Variants in MTHFS observed in about 807,000 individuals in gnomAD.
MTHFS encodes methenyltetrahydrofolate synthetase.
In MTHFS, 7 loss-of-function variants were observed where a neutral mutation model predicts 12.7. That is an observed-to-expected ratio of 0.55 (90% CI 0.31 to 1.03). The LOEUF (loss-of-function observed/expected upper bound fraction) is 1.03, where lower values mean the gene tolerates loss of function less well. Ranked by LOEUF, MTHFS falls within the 50% of genes least tolerant of loss-of-function variation. The pLI is 0.05. For synonymous variants in MTHFS, 100 were observed against 97.1 expected (o/e 1.03, Z -0.18); for missense variants, 252 against 258.1 (o/e 0.98, Z 0.16).
chr15:79,872,327 G>A (rs1424216736), intron 2 of MTHFS, among the ~76,000 whole-genome samples: 2 of 152,108 alleles, frequency 1.3e-5, no homozygotes, highest in Non-Finnish European at 2.9e-5. Context: ...TAACACTGTG[G>A]AGCCCTATGA....
chr15:79,866,130 A>G (rs2034007033), intron 2 of MTHFS, among the ~76,000 whole-genome samples: 1 of 151,232 alleles, frequency 6.6e-6, no homozygotes, highest in South Asian at 2.1e-4. Flanking sequence ...GGCATTCGAG[A>G]GGCTAATGGC....
At position 79,863,989 on chromosome 15, in the gene MTHFS, G is replaced by A. The variant is rs1472161815; in HGVS notation, c.380-18547C>T. 2.6e-5 allele frequency among the ~76,000 whole-genome samples: 4 copies of A among 152,336 alleles called. No individual in the cohort carries two copies. The East Asian group carries it at 7.7e-4, about 29-fold the overall frequency. On this transcript the variant is annotated intron_variant, in intron 2 of 2. Coordinates refer to ENST00000258874, the MANE Select transcript of MTHFS (RefSeq NM_006441.4). ...CCTCCACAGCACATGACGGCAGTAA[G>A]GAAAGGCACCGTGTGCCATCCCACA...
intron 2 of MTHFS, among the ~76,000 whole-genome samples, chr15:79,859,819 A>G (rs1596066331): frequency 8.1e-6 from 1 of 122,964 alleles, no homozygotes; most frequent in South Asian, 2.3e-4. Context: ...ATACATGTCA[A>G]AAAAAAAAAA....
At chr15:79,861,516 C>T (rs904184688) in intron 2 of MTHFS, among the ~76,000 whole-genome samples, 6 of 152,172 alleles carry the variant, frequency 3.9e-5, no homozygotes, top group African/African-American at 9.7e-5. Flanking sequence ...CGTAAAGTGG[C>T]ATAACCTTTT....
At chr15:79,874,897 T>G (rs1432149090) in intron 2 of MTHFS, among the ~76,000 whole-genome samples, 1 of 152,174 alleles carries the variant, frequency 6.6e-6, no homozygotes, top group Non-Finnish European at 1.5e-5. Context: ...GCTGTTATCC[T>G]GTTCTTTTTT....
intron 2 of MTHFS, among the ~76,000 whole-genome samples, chr15:79,863,153 C>T (rs1010569952): frequency 2.0e-5 from 3 of 152,208 alleles, no homozygotes; most frequent in African/African-American, 7.2e-5. Context: ...GGAGACTCTA[C>T]ATGCTGCATA....
intron 2 of MTHFS, among the ~76,000 whole-genome samples, chr15:79,872,502 C>A (rs962109771): frequency 2.6e-5 from 4 of 152,190 alleles, no homozygotes; most frequent in African/African-American, 4.8e-5. Context: ...CAGTACTGCT[C>A]CTTGCAGAGT....
intron 2 of MTHFS, among the ~76,000 whole-genome samples, chr15:79,858,491 A>G (rs2033851495): frequency 6.6e-6 from 1 of 152,208 alleles, no homozygotes; most frequent in African/African-American, 2.4e-5. Flanking sequence ...GACTTCGGAC[A>G]AGTCATTTCC....
chr15:79,882,150 G>A (rs62027992), intron 2 of MTHFS, among the ~76,000 whole-genome samples: 17,686 of 152,238 alleles, frequency 0.12, 1,179 homozygotes, highest in Middle Eastern at 0.18. Context: ...AAAGAAACAC[G>A]TGTTAAAGGT....
intron 2 of MTHFS, among the ~76,000 whole-genome samples, chr15:79,853,139 G>A (rs903094982): frequency 1.3e-5 from 2 of 152,196 alleles, no homozygotes; most frequent in South Asian, 2.1e-4. Context: ...GGAAGGATAC[G>A]AAAGAAGAGT....
At chr15:79,894,047 A>T (rs1013605358) in intron 1 of MTHFS, among the ~76,000 whole-genome samples, 1 of 152,240 alleles carries the variant, frequency 6.6e-6, no homozygotes, top group Non-Finnish European at 1.5e-5. Flanking sequence ...TTAGTCATGA[A>T]ATCAATAGTG....
At chr15:79,864,945 T>G (rs1261000348) in intron 2 of MTHFS, among the ~76,000 whole-genome samples, 1 of 152,164 alleles carries the variant, frequency 6.6e-6, no homozygotes, top group African/African-American at 2.4e-5. Context: ...ACAAAAACTG[T>G]TTTTTAAAAA....
intron 2 of MTHFS, among the ~76,000 whole-genome samples, chr15:79,862,229 A>G (rs16971450): frequency 0.14 from 21,356 of 152,170 alleles, 1,638 homozygotes; most frequent in Middle Eastern, 0.18. Context: ...CAGCTTGCAC[A>G]TAAATATGCC....
At position 79,875,870 on chromosome 15, in the gene MTHFS, A is replaced by G. The variant is rs190882844; in HGVS notation, c.379+13223T>C. ...AAACTTAGATAACACAACAGTAAAAAGGCAATGTAATTAAAATTGGGCAAA... is the reference window on the plus strand; with the variant it reads ...AAACTTAGATAACACAACAGTAAAAGGGCAATGTAATTAAAATTGGGCAAA... On this transcript the variant is annotated intron_variant, in intron 2 of 2. Transcript: ENST00000258874. The G allele has an allele frequency of 1.8e-4, 28 of 152,282 alleles. 1 individual carries two copies. The highest frequency in any genetic ancestry group is 6.0e-4 in the African/African-American group (25 of 41,538). 9.4% of individuals were successfully genotyped at this position (152,282 alleles called of 1,614,324 possible). A position where few individuals can be genotyped will look rare whatever the true frequency, so the allele number is the denominator to read the frequency against.
At chr15:79,864,017 C>T (rs1054438913) in intron 2 of MTHFS, among the ~76,000 whole-genome samples, 2 of 152,238 alleles carry the variant, frequency 1.3e-5, no homozygotes, top group East Asian at 1.9e-4. Context: ...ATCCCACAAA[C>T]AGCATGCCTT....
chr15:79,874,503 C>A (rs1305439377), intron 2 of MTHFS, among the ~76,000 whole-genome samples: 2 of 152,152 alleles, frequency 1.3e-5, no homozygotes, highest in Non-Finnish European at 2.9e-5. Flanking sequence ...TGAAAAGGTG[C>A]ATTGTCAGGT....
intron 1 of MTHFS, 156 bp downstream of exon 1, chr15:79,896,716 G>A: frequency 2.3e-6 from 3 of 1,309,244 alleles, no homozygotes; most frequent in Admixed American, 5.7e-5. Flanking sequence ...CGACTAGGGG[G>A]CGTGCGCGCG....
chr15:79,892,545 G>A (rs145495182), intron 1 of MTHFS, among the ~76,000 whole-genome samples: 74 of 152,286 alleles, frequency 4.9e-4, no homozygotes, highest in Non-Finnish European at 7.5e-4. Flanking sequence ...AAAAGCTTTG[G>A]TACTGACACT....
In MTHFS at chr15:79,844,485, G is replaced by A. The variant is rs1353237205; in HGVS notation, c.*725C>T. Among the ~76,000 whole-genome samples the A allele has an allele frequency of 6.6e-6, 1 of 152,062 alleles. No individual in the cohort carries two copies. Among genetic ancestry groups the A allele is most frequent in the Non-Finnish European group, 1.5e-5 (1 of 68,014 alleles). On this transcript the variant is annotated 3_prime_UTR_variant, in exon 3 of 3. Coordinates refer to ENST00000258874, the MANE Select transcript of MTHFS (RefSeq NM_006441.4). ...ACAACAAAATTATTGCTCCCTAGCT[G>A]TGTTGCCATCTGCCAACTTTCAACT...
Sources: gnomAD v4.1 joint callset for allele counts (sites outside exome capture counted in the v4.1 genomes callset) on GRCh38, gnomAD v4.1.1 for gene constraint, MANE v1.5 for transcripts, NCBI Gene and HGNC (gene_info 2026-07-23, HGNC 2026-07-21) for gene names.